RAB7A: variants seen among roughly 807,000 people sequenced by gnomAD.
RAB7A encodes the protein ras-related protein Rab-7a.
RAB7A carries 2 observed loss-of-function variants against 24.5 expected under a neutral mutation model. The ratio of observed to expected loss-of-function variants is 0.08; its 90% CI spans 0.03 to 0.26. The LOEUF is 0.26. Among genes scored for constraint, RAB7A ranks in the 10% least tolerant of loss-of-function variants. The pLI, the probability that RAB7A is intolerant of heterozygous loss-of-function variation, is 1.00. For missense variants in RAB7A, 118 were observed against 255.7 expected, an observed-to-expected ratio of 0.46 and a Z score of 3.67; for synonymous variants, 100 against 95.9, an observed-to-expected ratio of 1.04 and a Z score of -0.25.
chr3:128,783,461 A>G (rs1477789268), intron 1 of RAB7A, among the ~76,000 whole-genome samples: 1 of 151,854 alleles, frequency 6.6e-6, no homozygotes, highest in Non-Finnish European at 1.5e-5. Flanking sequence ...TTAGGGGGTG[A>G]GGTGGGACCC....
At chr3:128,761,580 T>C (rs1452806660) in intron 1 of RAB7A, among the ~76,000 whole-genome samples, 3 of 152,172 alleles carry the variant, frequency 2.0e-5, no homozygotes, top group Admixed American at 6.5e-5. Context: ...GAACAGGCCT[T>C]ATGTACCAAG....
At chr3:128,788,152 G>A (rs1933380246) in intron 1 of RAB7A, among the ~76,000 whole-genome samples, 1 of 152,198 alleles carries the variant, frequency 6.6e-6, no homozygotes, top group Admixed American at 6.5e-5. Context: ...AGCTGTCTTG[G>A]TTATCACATC....
chr3:128,801,614 C>T (rs954494071), intron 3 of RAB7A, among the ~76,000 whole-genome samples: 3 of 152,196 alleles, frequency 2.0e-5, no homozygotes, highest in African/African-American at 7.2e-5. Flanking sequence ...GCTGCTAAAT[C>T]ATAGCAGATT....
chr3:128,751,392 C>G (rs1289227808), intron 1 of RAB7A, among the ~76,000 whole-genome samples: 1 of 152,188 alleles, frequency 6.6e-6, no homozygotes, highest in Non-Finnish European at 1.5e-5. Flanking sequence ...CCATGGGAAC[C>G]CACCTCTTGC....
chr3:128,748,289 T>A (rs1459122763), intron 1 of RAB7A, among the ~76,000 whole-genome samples: 1 of 152,190 alleles, frequency 6.6e-6, no homozygotes, highest in Non-Finnish European at 1.5e-5. Flanking sequence ...TGGTCTCATT[T>A]TCAGGTCGAG....
intron 1 of RAB7A, among the ~76,000 whole-genome samples, chr3:128,732,746 G>A (rs1487355308): frequency 1.3e-5 from 2 of 152,194 alleles, no homozygotes; most frequent in Non-Finnish European, 2.9e-5. Context: ...AGGATCACTT[G>A]ATTCCAGGAG....
At chr3:128,740,996 G>A (rs2070547717) in intron 1 of RAB7A, among the ~76,000 whole-genome samples, 1 of 146,156 alleles carries the variant, frequency 6.8e-6, no homozygotes, top group Non-Finnish European at 1.5e-5. Context: ...CTTAAATTTT[G>A]TAGAAATTTA....
intron 1 of RAB7A, among the ~76,000 whole-genome samples, chr3:128,737,825 G>GGTTT (rs2070506150): frequency 1.7e-5 from 1 of 59,482 alleles, no homozygotes; most frequent in Non-Finnish European, 3.0e-5. Flanking sequence ...TTTTTTTGTA[G>GGTTT]TTTTTTTTTT....
chr3:128,763,167 A>G (rs981318871), intron 1 of RAB7A, among the ~76,000 whole-genome samples: 7 of 146,214 alleles, frequency 4.8e-5, no homozygotes, highest in African/African-American at 1.8e-4. Context: ...AGTTGGGTCT[A>G]AAGGCTTGAG....
chr3:128,739,939 G>A (rs935875772), intron 1 of RAB7A, among the ~76,000 whole-genome samples: 27 of 152,178 alleles, frequency 1.8e-4, no homozygotes, highest in East Asian at 7.8e-4. Flanking sequence ...GGTGGCACAT[G>A]CCTGTAATCC....
chr3:128,778,249 GGT>G (rs113624853), intron 1 of RAB7A, among the ~76,000 whole-genome samples: 3 of 152,132 alleles, frequency 2.0e-5, no homozygotes, highest in African/African-American at 7.2e-5. Flanking sequence ...AATAGCCACC[GGT>G]GGCTAGTAAC....
At chr3:128,791,449 G>A (rs989943284) in intron 1 of RAB7A, among the ~76,000 whole-genome samples, 5 of 152,148 alleles carry the variant, frequency 3.3e-5, no homozygotes, top group Non-Finnish European at 7.4e-5. Context: ...CCAAAACTTT[G>A]CTCTGGACTC....
chr3:128,802,463 G>A (rs1321638881), intron 3 of RAB7A, among the ~76,000 whole-genome samples: 2 of 152,082 alleles, frequency 1.3e-5, no homozygotes, highest in African/African-American at 2.4e-5. Context: ...TGGAGAGAAG[G>A]GTGTTGTAGG....
intron 3 of RAB7A, among the ~76,000 whole-genome samples, chr3:128,801,380 A>G (rs1247048666): frequency 1.3e-5 from 2 of 152,262 alleles, no homozygotes; most frequent in African/African-American, 2.4e-5. Context: ...TCTTATCACA[A>G]AAAGTAATAA....
chr3:128,795,489 C>G, intron 2 of RAB7A, 69 bp downstream of exon 2: 6 of 1,395,260 alleles, frequency 4.3e-6, no homozygotes, highest in Non-Finnish European at 6.1e-6. Context: ...GGAGCCCACA[C>G]TGTCCGTGCT....
At chr3:128,778,414 T>C (rs1033127806) in intron 1 of RAB7A, among the ~76,000 whole-genome samples, 4 of 152,178 alleles carry the variant, frequency 2.6e-5, no homozygotes, top group South Asian at 2.1e-4. Context: ...TGTGCATACA[T>C]TGTGGCTCCT....
At chr3:128,800,309 A>G (rs1245867160) in intron 3 of RAB7A, among the ~76,000 whole-genome samples, 3 of 152,246 alleles carry the variant, frequency 2.0e-5, no homozygotes, top group Admixed American at 1.3e-4. Context: ...TCCATGTGTC[A>G]CAGCAAGACT....
chr3:128,783,694 C>T (rs1391438471), intron 1 of RAB7A, among the ~76,000 whole-genome samples: 4 of 152,222 alleles, frequency 2.6e-5, no homozygotes, highest in African/African-American at 7.2e-5. Flanking sequence ...CGCCACCCCC[C>T]TGATGCTTAG....
intron 1 of RAB7A, among the ~76,000 whole-genome samples, chr3:128,777,977 G>A (rs1933132860): frequency 6.6e-6 from 1 of 152,188 alleles, no homozygotes; most frequent in African/African-American, 2.4e-5. Flanking sequence ...GCCTCCCAAA[G>A]TGCTGGGATT....
Sources: gnomAD v4.1 joint callset for allele counts (sites outside exome capture counted in the v4.1 genomes callset) on GRCh38, gnomAD v4.1.1 for gene constraint, MANE v1.5 for transcripts, NCBI Gene and HGNC (gene_info 2026-07-23, HGNC 2026-07-21) for gene names.